FAM163A: variants seen among roughly 807,000 people sequenced by gnomAD.
The protein encoded by FAM163A is family with sequence similarity 163 member A, also known as protein FAM163A.
In FAM163A, 7 loss-of-function variants were observed where a neutral mutation model predicts 12.0. That is an observed-to-expected ratio of 0.58 (90% confidence interval 0.33 to 1.10). FAM163A has a LOEUF of 1.10. Among genes scored for constraint, FAM163A ranks in the 50% least tolerant of loss-of-function variants. The pLI is 0.03. For missense variants in FAM163A, 202 were observed against 218.6 expected (o/e 0.92, Z 0.48); for synonymous variants, 101 against 91.0 (o/e 1.11, Z -0.62).
intron 1 of FAM163A, among the ~76,000 whole-genome samples, chr1:179,797,953 G>A (rs867045748): frequency 3.3e-5 from 5 of 152,184 alleles, no homozygotes; most frequent in Non-Finnish European, 5.9e-5. Flanking sequence ...GGCATGGCCG[G>A]GCGCAGTGGC....
At chr1:179,778,147 G>A (rs1453237523) in intron 1 of FAM163A, among the ~76,000 whole-genome samples, 1 of 152,218 alleles carries the variant, frequency 6.6e-6, no homozygotes, top group Non-Finnish European at 1.5e-5. Flanking sequence ...GGGGTAAGAT[G>A]TAACAAATCA....
At chr1:179,763,346 A>G (rs1178853446) in intron 1 of FAM163A, among the ~76,000 whole-genome samples, 3 of 152,244 alleles carry the variant, frequency 2.0e-5, no homozygotes, top group African/African-American at 7.2e-5. Flanking sequence ...TAATCAGCTC[A>G]AAATCATCCT....
At chr1:179,749,808 G>A (rs1372328797) in intron 1 of FAM163A, among the ~76,000 whole-genome samples, 8 of 152,276 alleles carry the variant, frequency 5.3e-5, no homozygotes, top group South Asian at 2.1e-4. Flanking sequence ...GCAGTGAGCC[G>A]AGATCATGCC....
chr1:179,808,325 G>A (rs1242709428), intron 2 of FAM163A, among the ~76,000 whole-genome samples: 1 of 152,244 alleles, frequency 6.6e-6, no homozygotes, highest in East Asian at 1.9e-4. Flanking sequence ...CACAAACTCA[G>A]CAGCTTAAAA....
At chr1:179,764,583 T>G (rs1687237815) in intron 1 of FAM163A, among the ~76,000 whole-genome samples, 1 of 152,200 alleles carries the variant, frequency 6.6e-6, no homozygotes, top group African/African-American at 2.4e-5. Context: ...ACTCTCCCCA[T>G]TTTATGACTA....
At chr1:179,731,674 T>A in the FAM163A span, among the ~76,000 whole-genome samples, 2 of 152,220 alleles carry the variant, frequency 1.3e-5, no homozygotes, top group Non-Finnish European at 1.5e-5. Context: ...ATTGCCAAAC[T>A]GCAGGGTTTG....
the FAM163A span, among the ~76,000 whole-genome samples, chr1:179,731,118 T>C: frequency 1.3e-5 from 2 of 152,250 alleles, no homozygotes; most frequent in African/African-American, 2.4e-5. Flanking sequence ...ACAAACCTGA[T>C]ACATTTTTTG....
intron 1 of FAM163A, among the ~76,000 whole-genome samples, chr1:179,785,231 A>G (rs775518684): frequency 2.0e-5 from 3 of 152,166 alleles, no homozygotes; most frequent in Non-Finnish European, 2.9e-5. Context: ...TATATAAGTT[A>G]CCACTGCTTG....
chr1:179,771,594 C>G (rs1391643704), intron 1 of FAM163A, among the ~76,000 whole-genome samples: 2 of 152,114 alleles, frequency 1.3e-5, no homozygotes, highest in African/African-American at 4.8e-5. Context: ...TCCGTCTACA[C>G]CTGTGCTTGG....
At chr1:179,755,009 C>A (rs1056629865) in intron 1 of FAM163A, among the ~76,000 whole-genome samples, 1 of 151,872 alleles carries the variant, frequency 6.6e-6, no homozygotes, top group South Asian at 2.1e-4. Context: ...TGGTGGCAGA[C>A]ACCTGTAATC....
chr1:179,741,849 G>A (rs1052301478), upstream of FAM163A, among the ~76,000 whole-genome samples: 8 of 152,248 alleles, frequency 5.3e-5, no homozygotes, highest in Non-Finnish European at 1.0e-4. Flanking sequence ...ACTTGTGGAA[G>A]GGAATTGGTG....
intron 2 of FAM163A, among the ~76,000 whole-genome samples, chr1:179,810,505 AACTGTTTT>A (rs1694566220): frequency 6.6e-6 from 1 of 152,052 alleles, no homozygotes; most frequent in African/African-American, 2.4e-5. Context: ...CAGTTCCTGG[AACTGTTTT>A]CTCACACCCC....
Position 179,814,088 on chromosome 1 carries a change from C to G in FAM163A, c.403C>G (p.Pro135Ala). The stretch of plus-strand genomic sequence containing the variant: ...CACATACTACAAAGAGGGGGGACCC[C>G]CATCCCTCAAATTGGCAGCACCCCA... ...APTYYKEGGP[P>A]SLKLAAPQSY... The change falls in exon 5 of 5, where the codon CCA becomes GCA. Residue 135 changes from proline to alanine, a missense_variant. Transcript: ENST00000341785. 5 of 1,614,180 alleles carry G rather than the reference C, an allele frequency of 3.1e-6. No individual in the cohort carries two copies. Among genetic ancestry groups the G allele is most frequent in the Non-Finnish European group, 4.2e-6 (5 of 1,180,022 alleles).
intron 1 of FAM163A, among the ~76,000 whole-genome samples, chr1:179,798,459 G>C (rs1692690399): frequency 6.6e-6 from 1 of 152,218 alleles, no homozygotes; most frequent in African/African-American, 2.4e-5. Context: ...CTTCAGTGCA[G>C]CCCTGCCACC....
At chr1:179,809,919 G>A (rs1281422) in intron 2 of FAM163A, among the ~76,000 whole-genome samples, 80,826 of 152,010 alleles carry the variant, frequency 0.53, 24,948 homozygotes, top group African/African-American at 0.86. Flanking sequence ...AGCATGGCCC[G>A]CCATGCACCT....
intron 1 of FAM163A, among the ~76,000 whole-genome samples, chr1:179,777,130 CTG>C (rs1464112998): frequency 5.3e-5 from 8 of 152,174 alleles, no homozygotes; most frequent in African/African-American, 1.9e-4. Flanking sequence ...TCCATGAACA[CTG>C]TTTCCACCTT....
chr1:179,790,568 T>C (rs1395871232), intron 1 of FAM163A, among the ~76,000 whole-genome samples: 1 of 152,174 alleles, frequency 6.6e-6, no homozygotes, highest in Non-Finnish European at 1.5e-5. Context: ...AGACCTGGCC[T>C]CTATAGCTTT....
intron 1 of FAM163A, among the ~76,000 whole-genome samples, chr1:179,765,141 C>T (rs757108838): frequency 1.3e-5 from 2 of 152,162 alleles, no homozygotes; most frequent in Non-Finnish European, 2.9e-5. Context: ...CCATGGCTGC[C>T]GCTGGTGGAG....
At chr1:179,767,907 TA>T (rs1386192602) in intron 1 of FAM163A, among the ~76,000 whole-genome samples, 1 of 152,236 alleles carries the variant, frequency 6.6e-6, no homozygotes, top group Non-Finnish European at 1.5e-5. Flanking sequence ...AAGTGTTAAG[TA>T]GTGTTAAGTA....
Sources: allele counts gnomAD v4.1 joint callset (sites outside exome capture counted in the v4.1 genomes callset), GRCh38; gene constraint gnomAD v4.1.1; transcripts MANE v1.5; gene names NCBI Gene and HGNC (gene_info 2026-07-23, HGNC 2026-07-21).